The following SLIT3 variants were observed in gnomAD, a reference collection of about 807,000 sequenced individuals.
The protein encoded by SLIT3 is slit homolog 3 protein.
In SLIT3, 68 loss-of-function variants were observed where a neutral mutation model predicts 184.0. The observed-to-expected ratio is 0.37, with a 90% confidence interval of 0.30 to 0.45. SLIT3 has a LOEUF of 0.45. Ranked by LOEUF, SLIT3 falls within the 20% of genes least tolerant of loss-of-function variation. The pLI is 1.00. For missense variants in SLIT3, 1,707 were observed against 2,026.0 expected (o/e 0.84, Z 3.02); for synonymous variants, 831 against 828.6 (o/e 1.00, Z -0.05).
intron 14 of SLIT3, 109 bp downstream of exon 14, chr5:168,772,672 C>A (rs1192694533): frequency 8.2e-7 from 1 of 1,222,416 alleles, no homozygotes; most frequent in Non-Finnish European, 1.2e-6. Flanking sequence ...CAAAGATGCT[C>A]CCCAGGAGCC....
chr5:169,197,908 C>A (rs1339901742), intron 3 of SLIT3, among the ~76,000 whole-genome samples: 3 of 152,130 alleles, frequency 2.0e-5, no homozygotes, highest in Non-Finnish European at 4.4e-5. Flanking sequence ...CTTTGTGGAA[C>A]CACTAAAGGC....
chr5:168,892,199 T>C (rs1324152475), intron 4 of SLIT3, among the ~76,000 whole-genome samples: 1 of 152,262 alleles, frequency 6.6e-6, no homozygotes, highest in African/African-American at 2.4e-5. Context: ...TAACTCAATA[T>C]ATCCAAAAGA....
rs528788128 is a variant in SLIT3 at position 169,266,170 on chromosome 5, C to G, written c.198-14711G>C. Among the ~76,000 whole-genome samples the G allele has an allele frequency of 1.6e-4, 24 of 152,256 alleles. 1 individual carries two copies. In the South Asian group the frequency reaches 3.9e-3, roughly 25 times the overall value. ...GCAAGGCCTGTTCTCAAAACACTTCCCTGCACTGCATAGGAGAGCACATGA... is the reference window on the plus strand; with the variant it reads ...GCAAGGCCTGTTCTCAAAACACTTCGCTGCACTGCATAGGAGAGCACATGA... On this transcript the variant is annotated intron_variant, in intron 1 of 35. Coordinates refer to ENST00000519560, the MANE Select transcript of SLIT3 (RefSeq NM_003062.4).
At chr5:169,099,853 T>A (rs912917159) in intron 4 of SLIT3, among the ~76,000 whole-genome samples, 19 of 152,190 alleles carry the variant, frequency 1.2e-4, no homozygotes, top group African/African-American at 3.9e-4. Context: ...AAGGAAAAGA[T>A]AACATCTAAG....
intron 5 of SLIT3, among the ~76,000 whole-genome samples, chr5:168,853,384 A>C (rs2938767): frequency 6.6e-6 from 1 of 151,958 alleles, no homozygotes; most frequent in African/African-American, 2.4e-5. Flanking sequence ...ACTAATAACC[A>C]ATCAAGTAAT....
chr5:169,151,989 G>T (rs759602370), intron 4 of SLIT3, among the ~76,000 whole-genome samples: 1 of 152,166 alleles, frequency 6.6e-6, no homozygotes, highest in Non-Finnish European at 1.5e-5. Context: ...ATAGAATAAA[G>T]CTTGTGCAAC....
chr5:168,690,634 G>A (rs900942770), intron 29 of SLIT3, among the ~76,000 whole-genome samples: 1 of 152,190 alleles, frequency 6.6e-6, no homozygotes, highest in Non-Finnish European at 1.5e-5. Context: ...AATCAGGGGG[G>A]TGGAAGTAGG....
chr5:168,972,336 C>CGTGTGTGTGTGTGTGTGTGTGT (rs1353519749), intron 4 of SLIT3, among the ~76,000 whole-genome samples: 573 of 39,746 alleles, frequency 0.014, 5 homozygotes, highest in Admixed American at 0.019. Flanking sequence ...TGCAGGACAA[C>CGTGTGTGTGTGTGTGTGTGTGT]ATGTGTGTGT....
chr5:168,825,327 C>T (rs1163056478), intron 6 of SLIT3, among the ~76,000 whole-genome samples: 1 of 152,182 alleles, frequency 6.6e-6, no homozygotes, highest in East Asian at 1.9e-4. Flanking sequence ...TCTCCAGCCC[C>T]TTGTGAGCCC....
At chr5:169,198,734 C>A (rs1581045501) in intron 3 of SLIT3, among the ~76,000 whole-genome samples, 2 of 151,990 alleles carry the variant, frequency 1.3e-5, no homozygotes, top group South Asian at 4.1e-4. Flanking sequence ...GAGCTCGAGA[C>A]CAGCCTGGCC....
chr5:168,972,336 C>CGT (rs1353519749), intron 4 of SLIT3, among the ~76,000 whole-genome samples: 30 of 39,776 alleles, frequency 7.5e-4, no homozygotes, highest in African/African-American at 6.8e-3. Context: ...TGCAGGACAA[C>CGT]ATGTGTGTGT....
At chr5:169,215,503 C>T (rs1335138433) in intron 3 of SLIT3, among the ~76,000 whole-genome samples, 1 of 136,040 alleles carries the variant, frequency 7.4e-6, no homozygotes, top group Admixed American at 8.0e-5. Context: ...GCTTTGTAGG[C>T]TCCATGGTGT....
intron 4 of SLIT3, among the ~76,000 whole-genome samples, chr5:169,002,109 T>G (rs756188613): frequency 6.7e-5 from 10 of 149,994 alleles, no homozygotes; most frequent in Non-Finnish European, 1.3e-4. Context: ...AGGTCAGGAG[T>G]TCGGGAACAG....
At chr5:168,718,591 A>G (rs1762825085) in intron 23 of SLIT3, among the ~76,000 whole-genome samples, 2 of 151,802 alleles carry the variant, frequency 1.3e-5, no homozygotes, top group African/African-American at 4.8e-5. Flanking sequence ...CAAGTAGAAA[A>G]AGCATTTTCC....
intron 20 of SLIT3, among the ~76,000 whole-genome samples, chr5:168,743,733 A>G (rs10050386): frequency 0.059 from 9,048 of 152,320 alleles, 418 homozygotes; most frequent in African/African-American, 0.12. Context: ...AAATAGCCAA[A>G]TTGTGAACGC....
At chr5:169,237,830 CAT>C (rs1050894628) in intron 3 of SLIT3, among the ~76,000 whole-genome samples, 4 of 152,012 alleles carry the variant, frequency 2.6e-5, no homozygotes, top group African/African-American at 9.7e-5. Context: ...TTATCAGATA[CAT>C]GTTTTGAAAA....
At chr5:169,081,604 G>C (rs1368791274) in intron 4 of SLIT3, among the ~76,000 whole-genome samples, 1 of 152,132 alleles carries the variant, frequency 6.6e-6, no homozygotes, top group East Asian at 1.9e-4. Context: ...CTAGGCTGCA[G>C]GGCTTGCTCT....
chr5:169,072,984 G>A (rs1758609377), intron 4 of SLIT3, among the ~76,000 whole-genome samples: 1 of 152,164 alleles, frequency 6.6e-6, no homozygotes, highest in African/African-American at 2.4e-5. Flanking sequence ...GTAGCTTCAG[G>A]TGGCCAGAGA....
chr5:169,024,478 A>C (rs1756736207), intron 4 of SLIT3: 1 of 152,060 alleles, frequency 6.6e-6, no homozygotes, highest in Admixed American at 6.5e-5. Context: ...GTGCAGGTAC[A>C]TTTTTCCTGC....
Sources: allele counts gnomAD v4.1 joint callset (sites outside exome capture counted in the v4.1 genomes callset), GRCh38; gene constraint gnomAD v4.1.1; transcripts MANE v1.5; gene names NCBI Gene and HGNC (gene_info 2026-07-23, HGNC 2026-07-21).